ATAD2: variants seen among roughly 807,000 people sequenced by gnomAD.
The protein encoded by ATAD2 is ATPase family AAA domain containing 2, also known as ATPase family AAA domain-containing protein 2.
Under a neutral mutation model 168.9 loss-of-function variants are expected in ATAD2, and 62 were observed. That is an observed-to-expected ratio of 0.37 (90% CI 0.30 to 0.45). ATAD2 has a LOEUF of 0.45. Among genes scored for constraint, ATAD2 ranks in the 20% least tolerant of loss-of-function variants. The probability of loss-of-function intolerance (pLI) is 1.00; values close to 1 mark genes in which losing one functional copy is unlikely to be tolerated. For synonymous variants in ATAD2, 613 were observed against 571.6 expected (o/e 1.07, Z -1.03); for missense variants, 1,419 against 1,667.8 (o/e 0.85, Z 2.60).
chr8:123,401,391 G>T, upstream of ATAD2: 1 of 1,392,926 alleles, frequency 7.2e-7, no homozygotes, highest in Non-Finnish European at 1.0e-6. Context: ...TCATAGTCTT[G>T]GACTTGTCCG....
upstream of ATAD2, chr8:123,396,466 C>T: frequency 8.0e-7 from 1 of 1,247,960 alleles, no homozygotes; most frequent in Non-Finnish European, 1.1e-6. Context: ...AAGCTCCGCG[C>T]CAGCGGCCGC....
chr8:123,385,197 CACTG>C (rs1165650787), intron 1 of ATAD2, among the ~76,000 whole-genome samples: 5 of 152,056 alleles, frequency 3.3e-5, no homozygotes, highest in African/African-American at 1.2e-4. Context: ...AGCATGCTAA[CACTG>C]ACTGTCTTAC....
At chr8:123,330,770 A>G (rs1827756215) in intron 24 of ATAD2, among the ~76,000 whole-genome samples, 1 of 152,102 alleles carries the variant, frequency 6.6e-6, no homozygotes, top group Non-Finnish European at 1.5e-5. Flanking sequence ...TTTTTCTTGA[A>G]TTGTATTAGA....
chr8:123,363,875 A>C (rs1828890008), intron 8 of ATAD2, among the ~76,000 whole-genome samples: 1 of 152,196 alleles, frequency 6.6e-6, no homozygotes, highest in Non-Finnish European at 1.5e-5. Flanking sequence ...AATTTACTCA[A>C]AATATCAGAA....
At chr8:123,390,957 T>C (rs1018885848) in intron 1 of ATAD2, among the ~76,000 whole-genome samples, 1 of 151,910 alleles carries the variant, frequency 6.6e-6, no homozygotes, top group Admixed American at 6.6e-5. Context: ...GAGGCAGAGG[T>C]TGCAGTGAGC....
chr8:123,333,889 C>T lies in ATAD2; in HGVS notation c.3467G>A (p.Cys1156Tyr). 1 of 1,612,096 alleles carries T rather than the reference C, an allele frequency of 6.2e-7. No homozygotes were observed. Among genetic ancestry groups the T allele is most frequent in the Non-Finnish European group, 8.5e-7 (1 of 1,178,860 alleles). ...ACTTGAGTACTTACCAGGAGTGCTG[C>T]AAGCCACAGGAGTACTCGGTGTCTT... ...KLKTPSTPVA[C>Y]STPAQLKRKI... Residue 1156 changes from cysteine to tyrosine, a missense_variant, in exon 24 of 28, where the codon TGC (cysteine) becomes TAC (tyrosine). Physicochemically the swap from Cys to Tyr is radical, Grantham distance 194. Around this residue, in one of 5 missense-constraint regions of ATAD2, gnomAD observed 303 missense variants for 304.3 expected, o/e 1.00. Transcript: ENST00000287394.
At chr8:123,384,262 A>C (rs1032680066) in intron 1 of ATAD2, among the ~76,000 whole-genome samples, 2 of 152,226 alleles carry the variant, frequency 1.3e-5, no homozygotes, top group South Asian at 2.1e-4. Context: ...ACAAAAAAAA[A>C]CTGGGTGGCA....
At chr8:123,416,153 C>T (rs1813270912) in intron 1 of ATAD2, 1 of 152,214 alleles carries the variant, frequency 6.6e-6, no homozygotes, top group South Asian at 2.1e-4. Flanking sequence ...TGGAATTAAC[C>T]TCCACTCCCC....
rs756458056 is a variant in ATAD2, at chr8:123,369,943, TC to T, written c.808del (p.Asp270MetfsTer79). The T allele has an allele frequency of 1.3e-5, 20 of 1,570,518 alleles. No individual in the cohort carries two copies. Among genetic ancestry groups the T allele is most frequent in the Non-Finnish European group, 1.4e-5 (16 of 1,150,604 alleles). ...EDDEDDDDDD[D>X]DDDDDDDEDD... ...TTCATCATCATCATCATCATCATCA[TC>T]GTCATCATCATCATCATCTTCATCA... On this transcript the variant is annotated frameshift_variant, in exon 7 of 28. Transcript: ENST00000287394. LOFTEE classifies it high-confidence loss of function.
At chr8:123,393,991 A>G (rs1165204111) in intron 1 of ATAD2, among the ~76,000 whole-genome samples, 1 of 152,186 alleles carries the variant, frequency 6.6e-6, no homozygotes, top group Non-Finnish European at 1.5e-5. Context: ...GAGGACATAT[A>G]AAGTGGTCAG....
At chr8:123,395,570 GAGAT>G (rs796282029) in intron 1 of ATAD2, among the ~76,000 whole-genome samples, 5 of 152,276 alleles carry the variant, frequency 3.3e-5, no homozygotes, top group African/African-American at 1.2e-4. Flanking sequence ...ATCTGTCAAA[GAGAT>G]AGCACAACTA....
chr8:123,376,242 C>T (rs1405206406), intron 2 of ATAD2, among the ~76,000 whole-genome samples: 1 of 151,846 alleles, frequency 6.6e-6, no homozygotes, highest in African/African-American at 2.4e-5. Context: ...CCTGTCTCTA[C>T]TAAAAATAGA....
At chr8:123,395,762 C>A (rs1223369102) in intron 1 of ATAD2, among the ~76,000 whole-genome samples, 1 of 152,088 alleles carries the variant, frequency 6.6e-6, no homozygotes, top group Non-Finnish European at 1.5e-5. Flanking sequence ...CCCTGTGCCC[C>A]CTCCCCCCCA....
upstream of ATAD2, chr8:123,401,340 CA>C: frequency 7.1e-7 from 1 of 1,399,876 alleles, no homozygotes; most frequent in Non-Finnish European, 1.0e-6. Context: ...GTGAGGATGA[CA>C]AATACCGCCT....
At chr8:123,389,208 C>G (rs1391025742) in intron 1 of ATAD2, among the ~76,000 whole-genome samples, 1 of 138,108 alleles carries the variant, frequency 7.2e-6, no homozygotes, top group Non-Finnish European at 1.6e-5. Flanking sequence ...GATCTCCTGA[C>G]CTCCTGATCC....
chr8:123,357,949 T>C (rs1828698689), intron 11 of ATAD2, among the ~76,000 whole-genome samples: 1 of 152,156 alleles, frequency 6.6e-6, no homozygotes, highest in African/African-American at 2.4e-5. Context: ...TAAATAAAAC[T>C]CTATTTGAAA....
At chr8:123,349,874 T>TGAA (rs1828392080) in intron 13 of ATAD2, among the ~76,000 whole-genome samples, 1 of 137,190 alleles carries the variant, frequency 7.3e-6, no homozygotes. Context: ...CCATCTCTAT[T>TGAA]AAAAAAAAAA....
intron 9 of ATAD2, among the ~76,000 whole-genome samples, chr8:123,360,244 T>A (rs1828773033): frequency 6.6e-6 from 1 of 152,236 alleles, no homozygotes; most frequent in South Asian, 2.1e-4. Context: ...AATTCTGCTA[T>A]GATATCTCCC....
chr8:123,392,414 T>G (rs1274124783), intron 1 of ATAD2, among the ~76,000 whole-genome samples: 5 of 152,200 alleles, frequency 3.3e-5, no homozygotes, highest in African/African-American at 1.2e-4. Context: ...GTAGACAGAC[T>G]CCTAAATTTG....
Sources: gnomAD v4.1 joint callset for allele counts (sites outside exome capture counted in the v4.1 genomes callset) on GRCh38, gnomAD v4.1.1 for gene constraint, gnomAD v4.1.1 regional missense constraint, MANE v1.5 for transcripts, NCBI Gene and HGNC (gene_info 2026-07-23, HGNC 2026-07-21) for gene names.